The following MATCAP2 variants were observed in gnomAD, a reference collection of about 807,000 sequenced individuals.
MATCAP2 encodes microtubule associated tyrosine carboxypeptidase 2.
chr7:36,351,512 G>T, the MATCAP2 span, among the ~76,000 whole-genome samples: 1 of 152,084 alleles, frequency 6.6e-6, no homozygotes, highest in African/African-American at 2.4e-5. Flanking sequence ...CAGAATCACA[G>T]TCCTTTCCTT....
the MATCAP2 span, among the ~76,000 whole-genome samples, chr7:36,327,496 G>T: frequency 1.3e-5 from 2 of 152,192 alleles, no homozygotes; most frequent in Non-Finnish European, 2.9e-5. Flanking sequence ...TACTCAGTTT[G>T]TCTAAAAATT....
At chr7:36,389,851 C>T in the MATCAP2 span, 1 of 1,193,110 alleles carries the variant, frequency 8.4e-7, no homozygotes, top group African/African-American at 1.5e-5. Context: ...ATTTGAACGG[C>T]TGCAGAGGCC....
At chr7:36,341,154 G>T in the MATCAP2 span, among the ~76,000 whole-genome samples, 1 of 152,148 alleles carries the variant, frequency 6.6e-6, no homozygotes, top group African/African-American at 2.4e-5. Context: ...AGAGTTCAGA[G>T]AATCAATGTT....
chr7:36,357,392 G>A, the MATCAP2 span: 1 of 1,614,148 alleles, frequency 6.2e-7, no homozygotes, highest in Non-Finnish European at 8.5e-7. Context: ...GGTGGAGGAA[G>A]ACTGTTTTTG....
the MATCAP2 span, among the ~76,000 whole-genome samples, chr7:36,379,300 G>A: frequency 7.8e-4 from 119 of 152,302 alleles, no homozygotes; most frequent in African/African-American, 2.6e-3. Flanking sequence ...GGGAGTGTAC[G>A]AAGGCAGACA....
the MATCAP2 span, among the ~76,000 whole-genome samples, chr7:36,380,663 TCA>T: frequency 6.6e-6 from 1 of 152,210 alleles, no homozygotes; most frequent in Non-Finnish European, 1.5e-5. Context: ...CTTAGACTAT[TCA>T]CAGTCTTGTT....
chr7:36,387,686 A>T, the MATCAP2 span, among the ~76,000 whole-genome samples: 1 of 152,194 alleles, frequency 6.6e-6, no homozygotes, highest in Non-Finnish European at 1.5e-5. Context: ...AACCAAAGAC[A>T]TAGTGGGATG....
the MATCAP2 span, among the ~76,000 whole-genome samples, chr7:36,373,103 T>TAAAAAAAAAAAAAAAAAAAA: frequency 8.6e-6 from 1 of 116,192 alleles, no homozygotes. Context: ...AGACTTCATC[T>TAAAAAAAAAAAAAAAAAAAA]AAAAAAAAAA....
At chr7:36,360,195 A>G in the MATCAP2 span, among the ~76,000 whole-genome samples, 2 of 152,312 alleles carry the variant, frequency 1.3e-5, no homozygotes, top group South Asian at 4.1e-4. Flanking sequence ...TCTAAGACCT[A>G]GTAGCTTTAC....
chr7:36,335,234 A>G, the MATCAP2 span: 1 of 1,521,798 alleles, frequency 6.6e-7, no homozygotes, highest in Non-Finnish European at 9.1e-7. Context: ...AGGTAAGGGG[A>G]GAAGCTTTCA....
chr7:36,359,413 C>T, the MATCAP2 span, among the ~76,000 whole-genome samples: 1 of 152,124 alleles, frequency 6.6e-6, no homozygotes, highest in Non-Finnish European at 1.5e-5. Context: ...ACCCAGGAGT[C>T]ACAGAGTCTA....
chr7:36,378,409 CTGCAGAACAGCAAATAT>C, the MATCAP2 span, among the ~76,000 whole-genome samples: 604 of 152,324 alleles, frequency 4.0e-3, 3 homozygotes, highest in Non-Finnish European at 4.5e-3. Flanking sequence ...CCAGCTGAGG[CTGCAGAACAGCAAATAT>C]TGCAGAACAG....
chr7:36,363,280 G>A, the MATCAP2 span, among the ~76,000 whole-genome samples: 1 of 152,030 alleles, frequency 6.6e-6, no homozygotes, highest in Non-Finnish European at 1.5e-5. Context: ...ATTCATCTTT[G>A]ATATAAAGAC....
the MATCAP2 span, among the ~76,000 whole-genome samples, chr7:36,364,064 C>T: frequency 2.7e-5 from 4 of 147,392 alleles, no homozygotes; most frequent in African/African-American, 7.5e-5. Context: ...TTTTAAATCC[C>T]GGAAGCTAAA....
chr7:36,334,649 G>C, the MATCAP2 span, among the ~76,000 whole-genome samples: 4 of 151,518 alleles, frequency 2.6e-5, no homozygotes, highest in South Asian at 8.3e-4. Flanking sequence ...GTGTGAAGGA[G>C]TACACTGCCT....
At chr7:36,348,494 A>T in the MATCAP2 span, among the ~76,000 whole-genome samples, 1 of 152,206 alleles carries the variant, frequency 6.6e-6, no homozygotes, top group Non-Finnish European at 1.5e-5. Flanking sequence ...TGCAGGCTGA[A>T]CTTGACCCCT....
the MATCAP2 span, among the ~76,000 whole-genome samples, chr7:36,341,764 T>C: frequency 6.6e-6 from 1 of 152,154 alleles, no homozygotes; most frequent in Non-Finnish European, 1.5e-5. Flanking sequence ...AGCTAGCCCC[T>C]TCCACCATGT....
At chr7:36,344,069 T>G in the MATCAP2 span, among the ~76,000 whole-genome samples, 1 of 152,176 alleles carries the variant, frequency 6.6e-6, no homozygotes, top group African/African-American at 2.4e-5. Context: ...TGCCATTATT[T>G]CTAGGTAAGT....
At chr7:36,360,371 G>T in the MATCAP2 span, among the ~76,000 whole-genome samples, 6 of 152,132 alleles carry the variant, frequency 3.9e-5, no homozygotes, top group African/African-American at 1.4e-4. Flanking sequence ...TGGCAGCGGG[G>T]TGACAGTATA....
Sources: gnomAD v4.1 joint callset for allele counts (sites outside exome capture counted in the v4.1 genomes callset) on GRCh38, gnomAD v4.1.1 for gene constraint, MANE v1.5 for transcripts, NCBI Gene and HGNC (gene_info 2026-07-23, HGNC 2026-07-21) for gene names.